Variants in PAPOLA observed in about 807,000 individuals in gnomAD.
The protein encoded by PAPOLA is polynucleotide adenylyltransferase alpha.
Under a neutral mutation model 100.6 loss-of-function variants are expected in PAPOLA, and 15 were observed. That is an observed-to-expected ratio of 0.15 (90% CI 0.10 to 0.23). PAPOLA has a LOEUF of 0.23. PAPOLA is among the 10% of genes least tolerant of loss of function. The pLI, the probability that PAPOLA is intolerant of heterozygous loss-of-function variation, is 1.00. For synonymous variants in PAPOLA, 293 were observed against 300.0 expected (o/e 0.98, Z 0.24); for missense variants, 533 against 884.2 (o/e 0.60, Z 5.04).
rs776582015 is a variant in PAPOLA, at chr14:96,542,937, T to G, written c.1289+44T>G. On this transcript the variant is annotated intron_variant, in intron 14 of 21. Coordinates refer to ENST00000216277, the MANE Select transcript of PAPOLA (RefSeq NM_032632.5). Reference sequence around the variant, plus strand: ...TAATTTCTTCTTCCCATTTCCAATTTTTATTCATAGAAGCTTTTACAGGCA... The same window carrying G: ...TAATTTCTTCTTCCCATTTCCAATTGTTATTCATAGAAGCTTTTACAGGCA... 3.7e-6 allele frequency: 6 copies of G among 1,602,232 alleles called. No individual in the cohort carries two copies. The African/African-American group carries it at 8.1e-5, about 22-fold the overall frequency.
intron 21 of PAPOLA, among the ~76,000 whole-genome samples, 183 bp from the exon 22 acceptor site, chr14:96,564,756 CTTTGTTGAACACATTA>C (rs1345082896): frequency 1.3e-5 from 2 of 151,824 alleles, no homozygotes; most frequent in African/African-American, 2.4e-5. Context: ...TTGAAAATTC[CTTTGTTGAACACATTA>C]TTTGTTGAAC....
chr14:96,522,917 C>T (rs1477418896), intron 3 of PAPOLA, among the ~76,000 whole-genome samples: 2 of 151,878 alleles, frequency 1.3e-5, no homozygotes, highest in East Asian at 3.9e-4. Context: ...GAAAAGAGAA[C>T]CAAGGGTAAA....
chr14:96,545,281 A>G (rs1396853208), intron 15 of PAPOLA, among the ~76,000 whole-genome samples: 1 of 152,114 alleles, frequency 6.6e-6, no homozygotes, highest in Non-Finnish European at 1.5e-5. Flanking sequence ...GGAAAAGGAT[A>G]TGTATTTCAA....
Position 96,542,302 on chromosome 14 carries a change from T to A in PAPOLA, c.1169+6T>A. 1 of 1,571,928 alleles carries A rather than the reference T, an allele frequency of 6.4e-7. No individual in the cohort carries two copies. Among genetic ancestry groups the A allele is most frequent in the Non-Finnish European group, 8.8e-7 (1 of 1,142,254 alleles). ...GAAAAACAACGCCTGGAATGGTGAG[T>A]ATAAGAATAGACTTTACAGAAAAAG... On this transcript the variant is annotated splice_donor_region_variant and intron_variant, in intron 13 of 21. Transcript: ENST00000216277.
chr14:96,525,490 G>A, intron 4 of PAPOLA, 99 bp downstream of exon 4: 1 of 567,030 alleles, frequency 1.8e-6, no homozygotes, highest in Non-Finnish European at 3.1e-6. Flanking sequence ...GCTTAGGCTT[G>A]CATGGAAGAG....
chr14:96,502,623 TC>T, intron 1 of PAPOLA, 23 bp downstream of exon 1: 1 of 1,569,590 alleles, frequency 6.4e-7, no homozygotes, highest in South Asian at 1.2e-5. Context: ...TATTCTGTTT[TC>T]TTTCGCTCGC....
Position 96,563,011 on chromosome 14 carries a change from A to G in PAPOLA, c.2142+118A>G. On this transcript the variant is annotated intron_variant, in intron 21 of 21. Coordinates refer to ENST00000216277, the MANE Select transcript of PAPOLA (RefSeq NM_032632.5). ...AAAATTAATCTTTCTGAAAGTAATT[A>G]CTTGCTAGCCTATAAACGTATTTAT... 3 of 627,006 alleles carry G rather than the reference A, an allele frequency of 4.8e-6. No homozygotes were observed. In the South Asian group the frequency reaches 6.0e-5, roughly 12 times the overall value. The allele number at this position is 627,006 out of a possible 1,614,324, so 38.8% of individuals were successfully genotyped here.
intron 16 of PAPOLA, among the ~76,000 whole-genome samples, chr14:96,551,473 A>C (rs1004775685): frequency 6.6e-6 from 1 of 152,212 alleles, no homozygotes; most frequent in African/African-American, 2.4e-5. Context: ...CCATTTGATC[A>C]ATTTTCATTC....
intron 15 of PAPOLA, among the ~76,000 whole-genome samples, chr14:96,544,812 A>G (rs917565068): frequency 6.6e-6 from 1 of 152,046 alleles, no homozygotes; most frequent in African/African-American, 2.4e-5. Flanking sequence ...GATGAAGCAG[A>G]ACTTGTGATG....
chr14:96,515,431 T>G (rs902886316), intron 1 of PAPOLA, among the ~76,000 whole-genome samples: 2 of 152,202 alleles, frequency 1.3e-5, no homozygotes, highest in African/African-American at 4.8e-5. Context: ...TGAAGACTTT[T>G]AAGAATGCTT....
chr14:96,561,832 T>TTG (rs1901870226), intron 20 of PAPOLA, among the ~76,000 whole-genome samples: 1 of 152,026 alleles, frequency 6.6e-6, no homozygotes, highest in Non-Finnish European at 1.5e-5. Context: ...TATTTCGTTT[T>TTG]TTTTTTTTTT....
intron 16 of PAPOLA, among the ~76,000 whole-genome samples, chr14:96,549,586 T>C (rs762897907): frequency 6.6e-6 from 1 of 152,190 alleles, no homozygotes; most frequent in Non-Finnish European, 1.5e-5. Context: ...ACTAAAAATT[T>C]AGTTAACTAA....
In PAPOLA at chr14:96,531,703, A is replaced by G. The variant is rs1411905676; in HGVS notation, c.607+117A>G. 3 of 1,517,222 alleles carry G rather than the reference A, an allele frequency of 2.0e-6. No individual in the cohort carries two copies. In the Admixed American group the frequency reaches 6.4e-5, roughly 32 times the overall value. The allele number at this position is 1,517,222 out of a possible 1,614,324, so 94.0% of individuals were successfully genotyped here. On this transcript the variant is annotated intron_variant, in intron 7 of 21. Coordinates refer to ENST00000216277, the MANE Select transcript of PAPOLA (RefSeq NM_032632.5). ...TATATTGTTAACACAGTAGTGAGTT[A>G]AATAAAATGAACTTTGCCTAATAAA...
chr14:96,562,972 C>T, intron 21 of PAPOLA, 79 bp downstream of exon 21: 1 of 782,934 alleles, frequency 1.3e-6, no homozygotes, highest in Non-Finnish European at 2.2e-6. Flanking sequence ...AGTGAGAGTT[C>T]ATAGAAGACT....
chr14:96,563,241 C>G (rs190350121), intron 21 of PAPOLA, among the ~76,000 whole-genome samples: 9 of 152,212 alleles, frequency 5.9e-5, no homozygotes, highest in Non-Finnish European at 1.2e-4. Context: ...AAACATTCTT[C>G]GTGGATTTCT....
intron 1 of PAPOLA, among the ~76,000 whole-genome samples, chr14:96,509,965 C>CTTTT (rs11372552): frequency 0.023 from 1,918 of 84,212 alleles, 66 homozygotes; most frequent in African/African-American, 0.069. Flanking sequence ...GTGGGAGTTG[C>CTTTT]TTTTTTTTTT....
chr14:96,558,030 C>T (rs1901510654), intron 19 of PAPOLA, among the ~76,000 whole-genome samples: 1 of 152,074 alleles, frequency 6.6e-6, no homozygotes, highest in African/African-American at 2.4e-5. Context: ...ATATGGAGGG[C>T]CCACTGTAAA....
At chr14:96,530,194 T>C (rs1333582812) in intron 6 of PAPOLA, among the ~76,000 whole-genome samples, 1 of 152,162 alleles carries the variant, frequency 6.6e-6, no homozygotes, top group Non-Finnish European at 1.5e-5. Flanking sequence ...ATGTAATCAA[T>C]TTATAATTCA....
chr14:96,504,365 C>T (rs1896560293), intron 1 of PAPOLA: 1 of 152,168 alleles, frequency 6.6e-6, no homozygotes, highest in Non-Finnish European at 1.5e-5. Context: ...CTGTGAAAGA[C>T]CTTAGGTATT....
Sources: allele counts gnomAD v4.1 joint callset (sites outside exome capture counted in the v4.1 genomes callset), GRCh38; gene constraint gnomAD v4.1.1; transcripts MANE v1.5; gene names NCBI Gene and HGNC (gene_info 2026-07-23, HGNC 2026-07-21).